Variants in CC2D2A observed in about 807,000 individuals in gnomAD.
The protein encoded by CC2D2A is coiled-coil and C2 domain containing 2A, also known as coiled-coil and C2 domain-containing protein 2A.
Under a neutral mutation model 212.9 loss-of-function variants are expected in CC2D2A, and 155 were observed. The observed-to-expected ratio is 0.73, with a 90% CI of 0.64 to 0.83. The LOEUF is 0.83. Ranked by LOEUF, CC2D2A falls within the 40% of genes least tolerant of loss-of-function variation. CC2D2A has a pLI of 0.00. For missense variants in CC2D2A, 1,856 were observed against 1,956.2 expected, an observed-to-expected ratio of 0.95 and a Z score of 0.97; for synonymous variants, 667 against 686.5, an observed-to-expected ratio of 0.97 and a Z score of 0.44.
rs1444040844 is a variant in CC2D2A, at chr4:15,557,407, G to A, written c.2729G>A (p.Arg910Gln). ...VSDQELNRSK[R>Q]FRLLHLRSQE... ...GATCAAGAATTAAATAGATCCAAAC[G>A]ATTTAGGCTTCTTCATCTTAGAAGC... The change falls in exon 21 of 37, where the codon CGA becomes CAA. Residue 910 changes from arginine to glutamine, a missense_variant. By Grantham distance (43) the Arg-to-Gln change is conservative. Transcript: ENST00000424120. The A allele has an allele frequency of 3.7e-6, 6 of 1,613,322 alleles. No homozygotes were observed. The highest frequency in any genetic ancestry group is 4.2e-6 in the Non-Finnish European group (5 of 1,179,526).
At chr4:15,529,151 A>C (rs966495508) in intron 13 of CC2D2A, among the ~76,000 whole-genome samples, 1 of 152,254 alleles carries the variant, frequency 6.6e-6, no homozygotes, top group Non-Finnish European at 1.5e-5. Flanking sequence ...TCATGCCTGT[A>C]ATCCCAGCAC....
intron 23 of CC2D2A, among the ~76,000 whole-genome samples, chr4:15,561,356 T>G (rs1474266376): frequency 2.6e-5 from 4 of 152,110 alleles, no homozygotes; most frequent in African/African-American, 9.7e-5. Context: ...CACCATCAAG[T>G]TGGGAAGGAG....
In CC2D2A at chr4:15,589,694, T is replaced by A. The variant is rs1721006754; in HGVS notation, c.4314+15T>A. The A allele has an allele frequency of 6.8e-7, 1 of 1,460,070 alleles. No individual in the cohort carries two copies. Among genetic ancestry groups the A allele is most frequent in the Non-Finnish European group, 9.1e-7 (1 of 1,095,646 alleles). 90.4% of individuals were successfully genotyped at this position (1,460,070 alleles called of 1,614,324 possible). On this transcript the variant is annotated intron_variant, in intron 33 of 36. Transcript: ENST00000424120. ...GTCCTGACAATGTAAGTATTAACAT[T>A]TCTTCTTAAATATGGTTAGCTGTCG...
At chr4:15,520,481 T>C (rs1717140532) in intron 11 of CC2D2A, among the ~76,000 whole-genome samples, 1 of 152,196 alleles carries the variant, frequency 6.6e-6, no homozygotes, top group Non-Finnish European at 1.5e-5. Flanking sequence ...AACACAGATA[T>C]GATGAACACT....
intron 4 of CC2D2A, chr4:15,481,978 A>G (rs1577313457): frequency 1.0e-6 from 1 of 985,280 alleles, no homozygotes. Context: ...TCCCCAGTAC[A>G]ATGAACATTA....
intron 6 of CC2D2A, among the ~76,000 whole-genome samples, chr4:15,503,633 A>C (rs1027055583): frequency 2.8e-5 from 2 of 71,574 alleles, no homozygotes; most frequent in African/African-American, 1.0e-4. Context: ...GTCAGATGCT[A>C]AGGTCCTTGA....
intron 18 of CC2D2A, among the ~76,000 whole-genome samples, chr4:15,552,440 C>A (rs565753429): frequency 1.3e-5 from 2 of 152,244 alleles, no homozygotes; most frequent in African/African-American, 4.8e-5. Flanking sequence ...GCTTTCCTGG[C>A]CACCCCTTCT....
Position 15,550,816 on chromosome 4 carries a change from G to A in CC2D2A, c.2182-8G>A, listed in dbSNP as rs370731685. 6.5e-5 allele frequency: 101 copies of A among 1,550,668 alleles called. 2 individuals are homozygous for A. The Middle Eastern group carries it at 1.6e-3, about 24-fold the overall frequency. ...TTTTATTGGCTATTTCTCTTCTCTG[G>A]TTTTCAGGTCTATGAAACTGTCGGA... On this transcript the variant is annotated splice_region_variant and splice_polypyrimidine_tract_variant and intron_variant, in intron 17 of 36. Coordinates refer to ENST00000424120, the MANE Select transcript of CC2D2A (RefSeq NM_001378615.1).
Position 15,569,390 on chromosome 4 carries a change from G to T in CC2D2A, c.3495+1G>T. Reference sequence around the variant, plus strand: ...TGAAGTACTGCATGATGTCTTAGAGGTAAGTTCTCAGTTTTAAGAAAGACA... The same window carrying T: ...TGAAGTACTGCATGATGTCTTAGAGTTAAGTTCTCAGTTTTAAGAAAGACA... On this transcript the variant is annotated splice_donor_variant, in intron 27 of 36. Coordinates refer to ENST00000424120, the MANE Select transcript of CC2D2A (RefSeq NM_001378615.1). LOFTEE classifies it high-confidence loss of function. The T allele has an allele frequency of 6.5e-7, 1 of 1,535,224 alleles. No individual in the cohort carries two copies. The highest frequency in any genetic ancestry group is 8.9e-7 in the Non-Finnish European group (1 of 1,126,006).
intron 17 of CC2D2A, among the ~76,000 whole-genome samples, chr4:15,544,613 G>GACT: frequency 6.6e-6 from 1 of 152,178 alleles, no homozygotes; most frequent in Non-Finnish European, 1.5e-5. Flanking sequence ...TGAGAGCTCA[G>GACT]ACTACTACCC....
At chr4:15,479,069 GAGAGAGGACTCTAGA>G (rs1714440446) in intron 3 of CC2D2A, 2 of 696,218 alleles carry the variant, frequency 2.9e-6, no homozygotes, top group Admixed American at 4.4e-5. Context: ...CCCATCTCCT[GAGAGAGGACTCTAGA>G]AAAGATGGAA....
At chr4:15,556,408 T>G (rs534222124) in intron 20 of CC2D2A, among the ~76,000 whole-genome samples, 1 of 152,234 alleles carries the variant, frequency 6.6e-6, no homozygotes, top group Admixed American at 6.5e-5. Context: ...GTGTGCCTAA[T>G]AGAAATATTT....
chr4:15,527,633 A>C lies in CC2D2A; in HGVS notation c.1336A>C (p.Lys446Gln). ...DQYLARHQRN[K>Q]AKFLTDKLQA... ...GTACCTTGCAAGACACCAGAGAAAC[A>C]AGGCGAAATTTCTTACTGATAAGGT... Residue 446 changes from lysine (K) to glutamine (Q), a missense_variant, in exon 12 of 37, where the codon AAG (lysine) becomes CAG (glutamine). Physicochemically the swap from Lys to Gln is moderately conservative, Grantham distance 53 (BLOSUM62 1). Coordinates refer to ENST00000424120, the MANE Select transcript of CC2D2A (RefSeq NM_001378615.1). 1 of 1,609,842 alleles carries C rather than the reference A, an allele frequency of 6.2e-7. No individual in the cohort carries two copies. Among genetic ancestry groups the C allele is most frequent in the Non-Finnish European group, 8.5e-7 (1 of 1,177,838 alleles).
At chr4:15,479,088 G>T in intron 3 of CC2D2A, 1 of 735,932 alleles carries the variant, frequency 1.4e-6, no homozygotes, top group Non-Finnish European at 2.4e-6. Flanking sequence ...CTCTAGAAAA[G>T]ATGGAAGGAG....
intron 19 of CC2D2A, among the ~76,000 whole-genome samples, chr4:15,554,570 G>C (rs568834331): frequency 2.0e-5 from 3 of 152,348 alleles, no homozygotes; most frequent in East Asian, 1.9e-4. Flanking sequence ...CAGCTACTTG[G>C]GTGGCTCAGG....
intron 4 of CC2D2A, among the ~76,000 whole-genome samples, chr4:15,485,692 G>A (rs1238942645): frequency 1.3e-5 from 2 of 151,974 alleles, no homozygotes; most frequent in Non-Finnish European, 2.9e-5. Flanking sequence ...ATCTCATTGT[G>A]GTTTAATTTG....
At chr4:15,588,380 A>G (rs1208593210) in intron 32 of CC2D2A, among the ~76,000 whole-genome samples, 1 of 152,232 alleles carries the variant, frequency 6.6e-6, no homozygotes, top group East Asian at 1.9e-4. Context: ...AAAGGGGAAT[A>G]AGCCAGATAA....
chr4:15,553,216 G>T lies in CC2D2A; in HGVS notation c.2397G>T (p.Gly799=). Residue 799 remains glycine (G), a synonymous_variant, in exon 19 of 37, where the codon GGG becomes GGT. Coordinates refer to ENST00000424120, the MANE Select transcript of CC2D2A (RefSeq NM_001378615.1). ...GSNQLTLMTS[G]KVSHSVAWAI... ...ACCAGCTGACTCTGATGACCTCAGGGAAAGTGTCTCATAGTGTGGCATGGG... is the reference window on the plus strand; with the variant it reads ...ACCAGCTGACTCTGATGACCTCAGGTAAAGTGTCTCATAGTGTGGCATGGG... 4.3e-6 allele frequency: 7 copies of T among 1,612,184 alleles called. No homozygotes were observed. The highest frequency in any genetic ancestry group is 5.9e-6 in the Non-Finnish European group (7 of 1,179,252).
intron 16 of CC2D2A, among the ~76,000 whole-genome samples, chr4:15,539,106 A>G (rs1305409103): frequency 6.6e-6 from 1 of 152,222 alleles, no homozygotes; most frequent in Non-Finnish European, 1.5e-5. Flanking sequence ...AAGAAAGATT[A>G]ATAAAAACTA....
Sources: gnomAD v4.1 joint callset for allele counts (sites outside exome capture counted in the v4.1 genomes callset) on GRCh38, gnomAD v4.1.1 for gene constraint, MANE v1.5 for transcripts, NCBI Gene and HGNC (gene_info 2026-07-23, HGNC 2026-07-21) for gene names.